Variants in L3MBTL3 observed in about 807,000 individuals in gnomAD.
L3MBTL3 encodes the protein L3MBTL histone methyl-lysine binding protein 3.
In L3MBTL3, 27 loss-of-function variants were observed where a neutral mutation model predicts 102.3. That is an observed-to-expected ratio of 0.26 (90% CI 0.19 to 0.36). L3MBTL3 has a LOEUF of 0.36. Ranked by LOEUF, L3MBTL3 falls within the 10% of genes least tolerant of loss-of-function variation. The pLI, the probability that L3MBTL3 is intolerant of heterozygous loss-of-function variation, is 1.00. For missense variants in L3MBTL3, 798 were observed against 955.3 expected (o/e 0.84, Z 2.17); for synonymous variants, 340 against 320.9 (o/e 1.06, Z -0.64).
At position 130,042,609 on chromosome 6, in the gene L3MBTL3, T is replaced by C. The variant is rs955956823; in HGVS notation, c.-15-76T>C. The C allele has an allele frequency of 3.3e-5, 27 of 812,384 alleles. No homozygotes were observed. In the African/African-American group the frequency reaches 4.3e-4, roughly 13 times the overall value. The allele number at this position is 812,384 out of a possible 1,614,324, so 50.3% of individuals were successfully genotyped here. ...AGAAAATTATGTAATTAAGGGAAAC[T>C]GAACTAACGAGTACTAAATTAAAAA... On this transcript the variant is annotated intron_variant, in intron 2 of 22. Transcript: ENST00000361794.
At chr6:130,032,612 A>G (rs1321580031) in intron 2 of L3MBTL3, among the ~76,000 whole-genome samples, 6 of 152,214 alleles carry the variant, frequency 3.9e-5, no homozygotes, top group African/African-American at 9.7e-5. Context: ...TATCTGGCCT[A>G]TCTCATCTGT....
At chr6:130,051,662 T>G (rs1281128688) in intron 6 of L3MBTL3, among the ~76,000 whole-genome samples, 1 of 152,252 alleles carries the variant, frequency 6.6e-6, no homozygotes. Flanking sequence ...GTCTTCCATT[T>G]CCATTCATTT....
chr6:130,034,185 T>C (rs1202979243), intron 2 of L3MBTL3, among the ~76,000 whole-genome samples: 1 of 152,138 alleles, frequency 6.6e-6, no homozygotes, highest in Non-Finnish European at 1.5e-5. Context: ...AAAGAAGTTG[T>C]AGGAAGGAAA....
rs530117926 is a variant in L3MBTL3, at chr6:130,059,576, C to T, written c.760-460C>T. Among the ~76,000 whole-genome samples the T allele has an allele frequency of 1.2e-4, 19 of 152,284 alleles. No individual in the cohort carries two copies. The South Asian group carries it at 3.7e-3, about 30-fold the overall frequency. The stretch of plus-strand genomic sequence containing the variant: ...TGTGTGAGAATCTCTTGGACAATTT[C>T]CTAGAGTTAGAATTGTTGTATCAAA... On this transcript the variant is annotated intron_variant, in intron 9 of 22. Transcript: ENST00000361794.
chr6:130,040,622 A>G (rs1181195835), intron 2 of L3MBTL3, among the ~76,000 whole-genome samples: 4 of 152,192 alleles, frequency 2.6e-5, no homozygotes, highest in Non-Finnish European at 5.9e-5. Flanking sequence ...TGAAGGTTCA[A>G]ATTTAATTGG....
chr6:130,115,139 C>T (rs1240406108), intron 19 of L3MBTL3, among the ~76,000 whole-genome samples: 3 of 152,096 alleles, frequency 2.0e-5, no homozygotes, highest in South Asian at 2.1e-4. Flanking sequence ...TCATCTTCCC[C>T]GCTTGTTACT....
At chr6:130,050,916 A>G in intron 5 of L3MBTL3, among the ~76,000 whole-genome samples, 1 of 152,260 alleles carries the variant, frequency 6.6e-6, no homozygotes, top group Non-Finnish European at 1.5e-5. Flanking sequence ...TCTGAAAGAT[A>G]CAAATATAGA....
Position 130,139,904 on chromosome 6 carries a change from A to G in L3MBTL3, c.*151A>G. ...ATTTATATTACTCAAGAGACAATAT[A>G]TATGAATTCTTATGAAAGTGCTTGA... On this transcript the variant is annotated 3_prime_UTR_variant, in exon 23 of 23. Transcript: ENST00000361794. The G allele has an allele frequency of 1.4e-6, 1 of 690,428 alleles. No individual in the cohort carries two copies. The highest frequency in any genetic ancestry group is 2.4e-6 in the Non-Finnish European group (1 of 418,044). The allele number at this position is 690,428 out of a possible 1,614,324, so 42.8% of individuals were successfully genotyped here.
chr6:130,118,404 C>G (rs562543998), intron 19 of L3MBTL3, among the ~76,000 whole-genome samples: 1 of 152,116 alleles, frequency 6.6e-6, no homozygotes, highest in South Asian at 2.1e-4. Context: ...TTAACTGTTT[C>G]CACATGTCTG....
intron 16 of L3MBTL3, among the ~76,000 whole-genome samples, chr6:130,089,229 A>G (rs1012084673): frequency 9.4e-5 from 4 of 42,670 alleles, no homozygotes; most frequent in African/African-American, 1.9e-4. Flanking sequence ...CCCCCACCCC[A>G]TGACAGGCCC....
chr6:130,134,471 C>T (rs1459472962), intron 22 of L3MBTL3, among the ~76,000 whole-genome samples: 1 of 152,128 alleles, frequency 6.6e-6, no homozygotes, highest in East Asian at 1.9e-4. Flanking sequence ...TCCAAAACTT[C>T]AATATAAGGG....
chr6:130,098,924 C>T (rs1315650854), intron 18 of L3MBTL3, among the ~76,000 whole-genome samples: 2 of 141,376 alleles, frequency 1.4e-5, no homozygotes, highest in African/African-American at 2.7e-5. Context: ...AATGATTGTG[C>T]GAGAACTTAG....
At chr6:130,080,529 C>A (rs1041733501) in intron 14 of L3MBTL3, among the ~76,000 whole-genome samples, 3 of 152,070 alleles carry the variant, frequency 2.0e-5, no homozygotes, top group African/African-American at 7.2e-5. Flanking sequence ...TAACAATGAA[C>A]CAGTGAACAA....
chr6:130,073,803 A>G (rs1011673885), intron 13 of L3MBTL3, among the ~76,000 whole-genome samples: 1 of 152,200 alleles, frequency 6.6e-6, no homozygotes, highest in African/African-American at 2.4e-5. Flanking sequence ...AAAGAAAAAA[A>G]TTGATCTCTT....
At chr6:130,129,234 T>C (rs933431617) in intron 20 of L3MBTL3, among the ~76,000 whole-genome samples, 6 of 152,220 alleles carry the variant, frequency 3.9e-5, no homozygotes, top group African/African-American at 1.4e-4. Flanking sequence ...GTCTTTAGTG[T>C]CTGTCTCTTT....
intron 20 of L3MBTL3, among the ~76,000 whole-genome samples, chr6:130,122,374 G>A (rs1341551711): frequency 1.3e-5 from 2 of 152,126 alleles, no homozygotes; most frequent in South Asian, 2.1e-4. Flanking sequence ...TATGTAGCAC[G>A]GTGTACAAAG....
chr6:130,043,509 C>A (rs1780554845), intron 3 of L3MBTL3, among the ~76,000 whole-genome samples: 1 of 152,162 alleles, frequency 6.6e-6, no homozygotes, highest in Non-Finnish European at 1.5e-5. Context: ...CCAACTACCC[C>A]CATCTCTCAT....
In L3MBTL3 at chr6:130,069,246, A is replaced by G. The variant is rs146135073; in HGVS notation, c.1092+825A>G. On this transcript the variant is annotated intron_variant, in intron 12 of 22. Coordinates refer to ENST00000361794, the MANE Select transcript of L3MBTL3 (RefSeq NM_032438.4). ...TCAGTTCCTCCTTTCCAGAGTCACC[A>G]GGCTGGTAGCAGTGAGTGAGACAGT... Among the ~76,000 whole-genome samples, 26 of 152,300 alleles carry G rather than the reference A, an allele frequency of 1.7e-4. No individual in the cohort carries two copies. The East Asian group carries it at 4.8e-3, about 28-fold the overall frequency.
chr6:130,049,402 G>A lies in L3MBTL3; in HGVS notation c.214+9G>A. 1 of 1,440,472 alleles carries A rather than the reference G, an allele frequency of 6.9e-7. No individual in the cohort carries two copies. The allele number at this position is 1,440,472 out of a possible 1,614,324, so 89.2% of individuals were successfully genotyped here. A position where few individuals can be genotyped will look rare whatever the true frequency, so the allele number is the denominator to read the frequency against. ...ACCAACTGCTCAAGAAGGTAAGGATGGGTCATCTGCATTTTATTTCTTGCT... is the reference window on the plus strand; with the variant it reads ...ACCAACTGCTCAAGAAGGTAAGGATAGGTCATCTGCATTTTATTTCTTGCT... On this transcript the variant is annotated intron_variant, in intron 4 of 22. Transcript: ENST00000361794.
Sources: allele counts gnomAD v4.1 joint callset (sites outside exome capture counted in the v4.1 genomes callset), GRCh38; gene constraint gnomAD v4.1.1; transcripts MANE v1.5; gene names NCBI Gene and HGNC (gene_info 2026-07-23, HGNC 2026-07-21).